VGLL1: variants seen among roughly 807,000 people sequenced by gnomAD.
VGLL1 encodes the protein transcription cofactor vestigial-like protein 1.
VGLL1 carries 4 observed loss-of-function variants against 12.0 expected under a neutral mutation model. The ratio of observed to expected loss-of-function variants is 0.33; its 90% CI spans 0.16 to 0.76. The LOEUF is 0.76. VGLL1 is among the 30% of genes least tolerant of loss of function. The probability of loss-of-function intolerance (pLI) is 0.60; values close to 1 mark genes in which losing one functional copy is unlikely to be tolerated. For missense variants in VGLL1, 204 were observed against 208.7 expected, an observed-to-expected ratio of 0.98 and a Z score of 0.14; for synonymous variants, 87 against 81.2, an observed-to-expected ratio of 1.07 and a Z score of -0.39.
chrX:136,553,306 C>CTT (rs1226003954), intron 4 of VGLL1, among the ~76,000 whole-genome samples: 29 of 72,391 alleles, frequency 4.0e-4, no homozygotes, highest in East Asian at 1.2e-3. Flanking sequence ...ATGTTTTATT[C>CTT]TTTTTTTTTT....
At chrX:136,556,265 T>C (rs986476898) in intron 4 of VGLL1, among the ~76,000 whole-genome samples, 186 bp from the exon 5 acceptor site, 7 of 111,797 alleles carry the variant, frequency 6.3e-5, no homozygotes, top group South Asian at 3.8e-4. Flanking sequence ...GTGGCTGCAA[T>C]AGAATTTACT....
chrX:136,541,243 T>C (rs763923946), intron 2 of VGLL1, among the ~76,000 whole-genome samples: 15 of 112,272 alleles, frequency 1.3e-4, no homozygotes, highest in African/African-American at 4.9e-4. Context: ...CATGGCCCTG[T>C]TCCTTGCCCA....
At position 136,536,047 on chromosome X, in the gene VGLL1, C is replaced by T. The variant is rs1007078759; in HGVS notation, c.27C>T (p.Ile9=). MEEMKKTA[I]RLPKGKQKPI... ...TGGAAGAAATGAAGAAGACTGCCAT[C>T]CGGCTGCCCAAAGGCAAACAGAAGC... Residue 9 remains isoleucine, a synonymous_variant, in exon 2 of 5, where the codon ATC becomes ATT. Transcript: ENST00000370634. 6 of 1,209,289 alleles carry T rather than the reference C, an allele frequency of 5.0e-6. No homozygotes were observed. In the African/African-American group the frequency reaches 1.1e-4, roughly 21 times the overall value.
intron 2 of VGLL1, among the ~76,000 whole-genome samples, chrX:136,541,128 C>A (rs769995625): frequency 5.4e-5 from 6 of 111,928 alleles, no homozygotes; most frequent in African/African-American, 1.3e-4. Flanking sequence ...CCATAAGCCT[C>A]CAGGTTTTCA....
chrX:136,543,287 C>A (rs2075861269), intron 2 of VGLL1, among the ~76,000 whole-genome samples: 1 of 111,577 alleles, frequency 9.0e-6, no homozygotes, highest in African/African-American at 3.3e-5. Context: ...CCCTCCATCC[C>A]CAGTGATATT....
At chrX:136,553,077 A>T (rs1361604011) in intron 4 of VGLL1, among the ~76,000 whole-genome samples, 1 of 111,203 alleles carries the variant, frequency 9.0e-6, no homozygotes, top group East Asian at 2.8e-4. Context: ...GGCCCTGGGC[A>T]GAGGGAGGTA....
intron 1 of VGLL1, among the ~76,000 whole-genome samples, chrX:136,533,320 C>G (rs1273516996): frequency 1.8e-5 from 2 of 110,828 alleles, no homozygotes; most frequent in African/African-American, 3.3e-5. Flanking sequence ...TGCCCAATTG[C>G]CCACGGACTG....
chrX:136,532,573 ATTT>A (rs2075825406), intron 1 of VGLL1, among the ~76,000 whole-genome samples: 1 of 41,452 alleles, frequency 2.4e-5, no homozygotes, highest in African/African-American at 9.6e-5. Flanking sequence ...GTGCTCAAAT[ATTT>A]CTTTCTTTCT....
intron 4 of VGLL1, among the ~76,000 whole-genome samples, chrX:136,554,656 T>TAG (rs1314515446): frequency 9.0e-6 from 1 of 111,633 alleles, no homozygotes; most frequent in Non-Finnish European, 1.9e-5. Context: ...GAGAGGATGA[T>TAG]AGCCTGGATT....
intron 4 of VGLL1, 141 bp from the exon 5 acceptor site, chrX:136,556,310 G>C: frequency 2.4e-6 from 1 of 423,867 alleles, no homozygotes; most frequent in Non-Finnish European, 4.1e-6. Context: ...GCAGTTTCAT[G>C]AGTTTCTGTC....
At chrX:136,537,671 C>T (rs778567845) in intron 2 of VGLL1, among the ~76,000 whole-genome samples, 1 of 111,175 alleles carries the variant, frequency 9.0e-6, no homozygotes, top group African/African-American at 3.3e-5. Context: ...GAAATTTTCC[C>T]GCCTTAGCCT....
intron 2 of VGLL1, among the ~76,000 whole-genome samples, chrX:136,543,751 A>G (rs2075862499): frequency 2.9e-5 from 1 of 34,631 alleles, no homozygotes; most frequent in South Asian, 3.2e-3. Context: ...GGAGACAGTG[A>G]GACCCTGTCA....
intron 1 of VGLL1, among the ~76,000 whole-genome samples, chrX:136,535,792 C>T (rs1374503870): frequency 9.0e-6 from 1 of 111,476 alleles, no homozygotes; most frequent in Non-Finnish European, 1.9e-5. Flanking sequence ...GGAGATTTGT[C>T]ATGTTGTCCC....
At chrX:136,549,043 C>G (rs781356272) in intron 3 of VGLL1, 35 bp downstream of exon 3, 1 of 1,171,192 alleles carries the variant, frequency 8.5e-7, no homozygotes, top group Non-Finnish European at 1.1e-6. Flanking sequence ...GGAGGGGTGC[C>G]TCTGATTGGT....
chrX:136,554,972 G>A (rs1479737059), intron 4 of VGLL1, among the ~76,000 whole-genome samples: 1 of 112,295 alleles, frequency 8.9e-6, no homozygotes, highest in Non-Finnish European at 1.9e-5. Flanking sequence ...GCCATTGGAT[G>A]TGATCACCTA....
intron 2 of VGLL1, among the ~76,000 whole-genome samples, chrX:136,537,377 GA>G (rs1286358170): frequency 6.1e-4 from 56 of 92,325 alleles, no homozygotes; most frequent in Middle Eastern, 0.011. Context: ...TGTCTCAAAA[GA>G]AAAAAAAAAA....
rs751576671 is a variant in VGLL1, at chrX:136,545,517, A to G, written c.215-3072A>G. On this transcript the variant is annotated intron_variant, in intron 2 of 4. Transcript: ENST00000370634. ...GATAAAGAAGACCAATAGTGAATGAATGAATGTAAGAATTAAGAAATAAAT... is the reference window on the plus strand; with the variant it reads ...GATAAAGAAGACCAATAGTGAATGAGTGAATGTAAGAATTAAGAAATAAAT... 1.3e-4 allele frequency among the ~76,000 whole-genome samples: 15 copies of G among 112,287 alleles called. No individual in the cohort carries two copies. The East Asian group carries it at 3.9e-3, about 29-fold the overall frequency.
At chrX:136,546,715 C>T (rs1027447792) in intron 2 of VGLL1, among the ~76,000 whole-genome samples, 15 of 112,545 alleles carry the variant, frequency 1.3e-4, no homozygotes, top group African/African-American at 4.5e-4. Flanking sequence ...TCAGGGGCTA[C>T]GCTTTGTTTC....
At chrX:136,550,146 G>A (rs2075881668) in intron 3 of VGLL1, among the ~76,000 whole-genome samples, 1 of 112,540 alleles carries the variant, frequency 8.9e-6, no homozygotes, top group African/African-American at 3.2e-5. Flanking sequence ...GTAAATCATA[G>A]AAGTGTCATG....
Sources: gnomAD v4.1 joint callset for allele counts (sites outside exome capture counted in the v4.1 genomes callset) on GRCh38, gnomAD v4.1.1 for gene constraint, MANE v1.5 for transcripts, NCBI Gene and HGNC (gene_info 2026-07-23, HGNC 2026-07-21) for gene names.